Variants in CSMD1 observed in about 807,000 individuals in gnomAD.
CSMD1 encodes CUB and Sushi multiple domains 1.
CSMD1 carries 213 observed loss-of-function variants against 417.5 expected under a neutral mutation model. That is an observed-to-expected ratio of 0.51 (90% CI 0.46 to 0.57). The LOEUF is 0.57. Ranked by LOEUF, CSMD1 falls within the 20% of genes least tolerant of loss-of-function variation. The probability of loss-of-function intolerance (pLI) is 0.00; values close to 1 mark genes in which losing one functional copy is unlikely to be tolerated. For synonymous variants in CSMD1, 2,862 were observed against 1,736.8 expected (o/e 1.65, Z -16.11); for missense variants, 6,923 against 4,529.7 (o/e 1.53, Z -15.17).
intron 5 of CSMD1, among the ~76,000 whole-genome samples, chr8:3,882,003 C>G (rs756799391): frequency 1.3e-5 from 2 of 152,056 alleles, no homozygotes; most frequent in East Asian, 3.9e-4. Flanking sequence ...AGAGAATATT[C>G]TACGATGTCT....
In CSMD1 at chr8:4,994,479, G is replaced by C; in HGVS notation, c.-63C>G. 1.4e-6 allele frequency: 2 copies of C among 1,470,078 alleles called. No individual in the cohort carries two copies. Among genetic ancestry groups the C allele is most frequent in the Admixed American group, 1.7e-5 (1 of 57,400 alleles). 91.1% of individuals were successfully genotyped at this position (1,470,078 alleles called of 1,614,324 possible). On this transcript the variant is annotated 5_prime_UTR_variant, in exon 1 of 70. Transcript: ENST00000635120. ...TCCTCCGAGGAAGGCAGGGCTATGA[G>C]CGGAGCCAAATAATCACCCGAGGGC...
intron 4 of CSMD1, among the ~76,000 whole-genome samples, chr8:4,017,172 T>A (rs1403687176): frequency 6.6e-6 from 1 of 152,242 alleles, no homozygotes; most frequent in Non-Finnish European, 1.5e-5. Context: ...TTGTGTATGT[T>A]GAAGCTTCCT....
In CSMD1 at chr8:4,317,743, C is replaced by G. The variant is rs183282863; in HGVS notation, c.415+102210G>C. On this transcript the variant is annotated intron_variant, in intron 3 of 69. Coordinates refer to ENST00000635120, the MANE Select transcript of CSMD1 (RefSeq NM_033225.6). ...TAGCTCAGCTGAGTACATGTCTGTA[C>G]CATTTAGGTTACTTCCACACTGCCC... Among the ~76,000 whole-genome samples, 99 of 152,154 alleles carry G rather than the reference C, an allele frequency of 6.5e-4. No individual in the cohort carries two copies. The Middle Eastern group carries it at 0.014, about 21-fold the overall frequency.
chr8:3,024,895 G>A (rs559324768), intron 51 of CSMD1, among the ~76,000 whole-genome samples: 1 of 152,192 alleles, frequency 6.6e-6, no homozygotes, highest in Non-Finnish European at 1.5e-5. Context: ...ACTGTTGTTC[G>A]TACTGTTCCC....
At chr8:3,230,568 A>C (rs1480771143) in intron 26 of CSMD1, among the ~76,000 whole-genome samples, 1 of 152,182 alleles carries the variant, frequency 6.6e-6, no homozygotes, top group Non-Finnish European at 1.5e-5. Flanking sequence ...TATTTTAATG[A>C]AACCCCATAC....
At chr8:3,508,717 T>C (rs1363308984) in intron 10 of CSMD1, among the ~76,000 whole-genome samples, 3 of 152,132 alleles carry the variant, frequency 2.0e-5, no homozygotes, top group Non-Finnish European at 4.4e-5. Flanking sequence ...GTCATGAATA[T>C]TTTAAAATTT....
intron 1 of CSMD1, among the ~76,000 whole-genome samples, chr8:4,641,966 A>G (rs1190545642): frequency 6.6e-6 from 1 of 152,204 alleles, no homozygotes; most frequent in Non-Finnish European, 1.5e-5. Flanking sequence ...TCTACAGTTA[A>G]TGTTGCAATA....
At chr8:3,280,635 G>C (rs990618613) in intron 26 of CSMD1, among the ~76,000 whole-genome samples, 1 of 152,144 alleles carries the variant, frequency 6.6e-6, no homozygotes, top group African/African-American at 2.4e-5. Flanking sequence ...GAAACCATGT[G>C]AAATTGTCAA....
rs771243312 is a variant in CSMD1 at position 2,936,845 on chromosome 8, T to A, written c.*1740A>T. 1.3e-5 allele frequency: 2 copies of A among 152,208 alleles called. No individual in the cohort carries two copies. Among genetic ancestry groups the A allele is most frequent in the Non-Finnish European group, 2.9e-5 (2 of 68,038 alleles). 9.4% of individuals were successfully genotyped at this position (152,208 alleles called of 1,614,324 possible). ...TGAAGTCCTACATGGAAACCTTCAG[T>A]ACACCAACAGATAAATCAGTCTTAA... is the stretch of plus-strand genomic sequence containing the variant. On this transcript the variant is annotated 3_prime_UTR_variant, in exon 70 of 70. Coordinates refer to ENST00000635120, the MANE Select transcript of CSMD1 (RefSeq NM_033225.6).
chr8:3,584,401 C>G (rs958402368), intron 9 of CSMD1, among the ~76,000 whole-genome samples: 4 of 152,128 alleles, frequency 2.6e-5, no homozygotes, highest in South Asian at 2.1e-4. Flanking sequence ...CTTGAATTGA[C>G]GAGAACAGGA....
At chr8:4,480,310 C>T (rs748379603) in intron 2 of CSMD1, among the ~76,000 whole-genome samples, 14 of 152,086 alleles carry the variant, frequency 9.2e-5, no homozygotes, top group Non-Finnish European at 1.5e-4. Context: ...ATCACTTAAC[C>T]TGTGTGTTTC....
At chr8:4,313,958 G>C (rs868588581) in intron 3 of CSMD1, among the ~76,000 whole-genome samples, 5 of 151,874 alleles carry the variant, frequency 3.3e-5, no homozygotes, top group South Asian at 4.2e-4. Flanking sequence ...AGGTTGCAGC[G>C]AGCCGAGACT....
intron 4 of CSMD1, among the ~76,000 whole-genome samples, chr8:4,007,014 A>T (rs1816179161): frequency 6.6e-6 from 1 of 151,812 alleles, no homozygotes; most frequent in South Asian, 2.1e-4. Context: ...GTATGTGTGT[A>T]TTTTTAGTAG....
At chr8:3,583,996 A>G (rs1455444848) in intron 9 of CSMD1, among the ~76,000 whole-genome samples, 1 of 152,084 alleles carries the variant, frequency 6.6e-6, no homozygotes, top group African/African-American at 2.4e-5. Flanking sequence ...TAACTGAGTC[A>G]ACACTAGTAA....
chr8:4,902,072 A>G (rs1047722753), intron 1 of CSMD1, among the ~76,000 whole-genome samples: 7 of 152,148 alleles, frequency 4.6e-5, no homozygotes, highest in Non-Finnish European at 8.8e-5. Context: ...TAAAGAATAT[A>G]TATGTGTATA....
At chr8:3,664,001 G>A (rs961242665) in intron 7 of CSMD1, among the ~76,000 whole-genome samples, 5 of 152,132 alleles carry the variant, frequency 3.3e-5, no homozygotes, top group African/African-American at 1.2e-4. Flanking sequence ...TCAGCCATTG[G>A]ATGGCTTGAG....
chr8:4,298,027 A>G (rs541525804), intron 3 of CSMD1, among the ~76,000 whole-genome samples: 59 of 152,250 alleles, frequency 3.9e-4, no homozygotes, highest in Non-Finnish European at 6.6e-4. Flanking sequence ...CAATAAATTG[A>G]TTTTATATTG....
intron 2 of CSMD1, among the ~76,000 whole-genome samples, chr8:4,613,103 G>GCA (rs147919004): frequency 2.0e-5 from 3 of 151,982 alleles, no homozygotes; most frequent in Admixed American, 1.3e-4. Context: ...ATAGCTGAAT[G>GCA]CACACACACA....
chr8:3,611,047 A>C (rs1412108176), intron 8 of CSMD1, among the ~76,000 whole-genome samples: 1 of 128,588 alleles, frequency 7.8e-6, no homozygotes, highest in African/African-American at 3.0e-5. Flanking sequence ...ACACATGGAC[A>C]CAGGAAGGGG....
Sources: gnomAD v4.1 joint callset for allele counts (sites outside exome capture counted in the v4.1 genomes callset) on GRCh38, gnomAD v4.1.1 for gene constraint, MANE v1.5 for transcripts, NCBI Gene and HGNC (gene_info 2026-07-23, HGNC 2026-07-21) for gene names.